The following BMP6 variants were observed in gnomAD, a reference collection of about 807,000 sequenced individuals.
BMP6 encodes the protein bone morphogenetic protein 6.
A neutral mutation model predicts 54.1 loss-of-function variants in BMP6; 17 were observed. The observed-to-expected ratio is 0.31, with a 90% confidence interval of 0.22 to 0.47. BMP6 has a LOEUF of 0.47. Among genes scored for constraint, BMP6 ranks in the 20% least tolerant of loss-of-function variants. The probability of loss-of-function intolerance (pLI) is 1.00; values close to 1 mark genes in which losing one functional copy is unlikely to be tolerated. For synonymous variants in BMP6, 328 were observed against 291.2 expected (o/e 1.13, Z -1.28); for missense variants, 720 against 690.4 (o/e 1.04, Z -0.48).
chr6:7,881,547 A>G lies in BMP6; in HGVS notation c.*1204A>G, dbSNP rs1017500918. ...AAAAAAAAGAGTTTATTTAGAAAGTATCATAGTGTAAACAAACAAATTGTA... is the reference window on the plus strand; with the variant it reads ...AAAAAAAAGAGTTTATTTAGAAAGTGTCATAGTGTAAACAAACAAATTGTA... On this transcript the variant is annotated 3_prime_UTR_variant, in exon 7 of 7. Transcript: ENST00000283147. 3 of 152,420 alleles carry G rather than the reference A, an allele frequency of 2.0e-5. No homozygotes were observed. The highest frequency in any genetic ancestry group is 4.8e-5 in the African/African-American group (2 of 41,476). 9.4% of individuals were successfully genotyped at this position (152,420 alleles called of 1,614,324 possible). A position where few individuals can be genotyped will look rare whatever the true frequency, so the allele number is the denominator to read the frequency against.
chr6:7,807,559 C>T (rs565212697), intron 1 of BMP6, among the ~76,000 whole-genome samples: 2 of 152,116 alleles, frequency 1.3e-5, no homozygotes, highest in South Asian at 4.2e-4. Flanking sequence ...GATCACAGGC[C>T]TGAGCCCACG....
intron 2 of BMP6, among the ~76,000 whole-genome samples, chr6:7,847,250 C>T (rs561126126): frequency 9.2e-5 from 14 of 152,296 alleles, no homozygotes; most frequent in African/African-American, 3.1e-4. Flanking sequence ...GCATTTGGCA[C>T]CTGCATGTGT....
intron 1 of BMP6, among the ~76,000 whole-genome samples, chr6:7,735,485 A>G (rs1322287974): frequency 1.3e-5 from 2 of 152,240 alleles, no homozygotes; most frequent in Non-Finnish European, 2.9e-5. Context: ...ATTAAGGACT[A>G]AAAGTTTTTA....
At chr6:7,804,335 C>T (rs1172466512) in intron 1 of BMP6, among the ~76,000 whole-genome samples, 3 of 151,508 alleles carry the variant, frequency 2.0e-5, no homozygotes, top group Middle Eastern at 3.4e-3. Flanking sequence ...TAAAAATTAC[C>T]TCCTCTTCTC....
intron 1 of BMP6, among the ~76,000 whole-genome samples, chr6:7,775,692 A>C (rs1177278336): frequency 6.6e-6 from 1 of 152,162 alleles, no homozygotes; most frequent in Non-Finnish European, 1.5e-5. Flanking sequence ...CTGTTACCCT[A>C]TCCCTTGCTT....
At chr6:7,787,251 C>A (rs1418964470) in intron 1 of BMP6, among the ~76,000 whole-genome samples, 2 of 152,138 alleles carry the variant, frequency 1.3e-5, no homozygotes, top group East Asian at 3.9e-4. Flanking sequence ...TGCAGATACA[C>A]CATCTGTACT....
chr6:7,744,465 G>C (rs1757318671), intron 1 of BMP6, among the ~76,000 whole-genome samples: 1 of 152,064 alleles, frequency 6.6e-6, no homozygotes, highest in African/African-American at 2.4e-5. Flanking sequence ...AACAGAGTGA[G>C]ACTCCATCTC....
chr6:7,784,115 T>A (rs1255522866), intron 1 of BMP6, among the ~76,000 whole-genome samples: 2 of 152,248 alleles, frequency 1.3e-5, no homozygotes, highest in Non-Finnish European at 2.9e-5. Context: ...GCTTAAATCA[T>A]CTTGTATATT....
At chr6:7,774,404 G>T (rs1419703938) in intron 1 of BMP6, among the ~76,000 whole-genome samples, 1 of 152,192 alleles carries the variant, frequency 6.6e-6, no homozygotes, top group Non-Finnish European at 1.5e-5. Context: ...ACAAAAACTA[G>T]CTGGGCATGG....
chr6:7,728,240 G>C (rs1056708556), intron 1 of BMP6, among the ~76,000 whole-genome samples: 10 of 152,248 alleles, frequency 6.6e-5, no homozygotes, highest in African/African-American at 2.2e-4. Flanking sequence ...GCTCGCTTCT[G>C]TTTGGGGCGG....
At chr6:7,816,561 C>T (rs1360731025) in intron 1 of BMP6, among the ~76,000 whole-genome samples, 1 of 152,148 alleles carries the variant, frequency 6.6e-6, no homozygotes, top group Non-Finnish European at 1.5e-5. Flanking sequence ...GAAGTTAAAG[C>T]AAAATTTGAG....
intron 1 of BMP6, among the ~76,000 whole-genome samples, chr6:7,818,091 T>A (rs1484108178): frequency 6.6e-6 from 1 of 152,240 alleles, no homozygotes; most frequent in Non-Finnish European, 1.5e-5. Context: ...GACTGTTTTG[T>A]TCTGCTGATT....
At chr6:7,747,767 C>G (rs1474411826) in intron 1 of BMP6, among the ~76,000 whole-genome samples, 3 of 152,182 alleles carry the variant, frequency 2.0e-5, no homozygotes, top group Non-Finnish European at 2.9e-5. Flanking sequence ...TCGCCTCAGC[C>G]TCCCCAGTAG....
At chr6:7,825,720 C>T (rs1445652053) in intron 1 of BMP6, among the ~76,000 whole-genome samples, 2 of 141,316 alleles carry the variant, frequency 1.4e-5, no homozygotes, top group African/African-American at 5.4e-5. Flanking sequence ...AAGTCCATCT[C>T]GAAAAAAAAA....
intron 1 of BMP6, among the ~76,000 whole-genome samples, chr6:7,763,779 A>G (rs749411358): frequency 1.3e-5 from 2 of 152,210 alleles, no homozygotes; most frequent in African/African-American, 2.4e-5. Context: ...AAGGAAAGAA[A>G]AAAAAATCTA....
intron 1 of BMP6, among the ~76,000 whole-genome samples, chr6:7,803,605 C>A (rs567744422): frequency 1.3e-5 from 2 of 152,298 alleles, no homozygotes; most frequent in East Asian, 3.9e-4. Flanking sequence ...CCCCACCCTG[C>A]AAGGCCTGGT....
At chr6:7,831,329 T>C (rs144104696) in intron 1 of BMP6, among the ~76,000 whole-genome samples, 34 of 152,332 alleles carry the variant, frequency 2.2e-4, no homozygotes, top group African/African-American at 7.7e-4. Context: ...TTTTGCTTCA[T>C]GGGCTTTGTG....
At position 7,761,031 on chromosome 6, in the gene BMP6, C is replaced by T. The variant is rs144899229; in HGVS notation, c.664+33412C>T. 1.4e-3 allele frequency among the ~76,000 whole-genome samples: 209 copies of T among 152,328 alleles called. 2 individuals carry two copies. The highest frequency in any genetic ancestry group is 4.6e-3 in the African/African-American group (193 of 41,578). On this transcript the variant is annotated intron_variant, in intron 1 of 6. Transcript: ENST00000283147. ...ATGGCAATAGCACATATTAGTTGAA[C>T]GAGGGTCAGTTTGGCCTTTGCCTTA...
intron 1 of BMP6, among the ~76,000 whole-genome samples, chr6:7,764,271 T>C (rs1417412051): frequency 6.6e-6 from 1 of 152,234 alleles, no homozygotes; most frequent in Non-Finnish European, 1.5e-5. Flanking sequence ...TTGTTTAACA[T>C]ACAAGACCTT....
Sources: allele counts gnomAD v4.1 joint callset (sites outside exome capture counted in the v4.1 genomes callset), GRCh38; gene constraint gnomAD v4.1.1; transcripts MANE v1.5; gene names NCBI Gene and HGNC (gene_info 2026-07-23, HGNC 2026-07-21).